Variants in AFDN observed in about 807,000 individuals in gnomAD.
AFDN encodes afadin, adherens junction formation factor.
AFDN carries 68 observed loss-of-function variants against 216.6 expected under a neutral mutation model. The observed-to-expected ratio is 0.31, with a 90% CI of 0.26 to 0.38. AFDN has a LOEUF of 0.38. AFDN is among the 10% of genes least tolerant of loss of function. The pLI, the probability that AFDN is intolerant of heterozygous loss-of-function variation, is 1.00. For missense variants in AFDN, 2,136 were observed against 2,342.0 expected, an observed-to-expected ratio of 0.91 and a Z score of 1.82; for synonymous variants, 868 against 853.7, an observed-to-expected ratio of 1.02 and a Z score of -0.29.
intron 4 of AFDN, among the ~76,000 whole-genome samples, 197 bp from the exon 5 acceptor site, chr6:167,875,138 A>G (rs760811348): frequency 2.6e-5 from 4 of 152,180 alleles, no homozygotes; most frequent in Non-Finnish European, 4.4e-5. Context: ...TTAGTTCAGT[A>G]TATTAGTTTG....
At chr6:167,937,850 C>G (rs1794199275) in intron 23 of AFDN, among the ~76,000 whole-genome samples, 1 of 152,218 alleles carries the variant, frequency 6.6e-6, no homozygotes, top group Admixed American at 6.5e-5. Flanking sequence ...TCTTAACTTA[C>G]TATTTATTCA....
intron 26 of AFDN, among the ~76,000 whole-genome samples, chr6:167,945,568 A>G (rs1436218533): frequency 6.6e-6 from 1 of 152,224 alleles, no homozygotes; most frequent in Non-Finnish European, 1.5e-5. Context: ...GCAGTCTGGC[A>G]CGACCACAAA....
At chr6:167,864,800 C>G in intron 2 of AFDN, 54 bp downstream of exon 2, 1 of 1,544,280 alleles carries the variant, frequency 6.5e-7, no homozygotes, top group South Asian at 1.1e-5. Context: ...TGTGAAGAGA[C>G]AGCTTGTCCA....
chr6:167,866,860 A>G (rs1204179859), intron 2 of AFDN, among the ~76,000 whole-genome samples: 2 of 152,208 alleles, frequency 1.3e-5, no homozygotes, highest in Non-Finnish European at 2.9e-5. Context: ...AATGCTCCTC[A>G]GTGCCCTGGG....
chr6:167,910,434 A>G (rs955958902), intron 13 of AFDN, among the ~76,000 whole-genome samples: 2 of 152,250 alleles, frequency 1.3e-5, no homozygotes, highest in Admixed American at 1.3e-4. Flanking sequence ...TAAATGTTCC[A>G]AATTATAGTT....
At chr6:167,868,789 G>T (rs1784476946) in intron 2 of AFDN, among the ~76,000 whole-genome samples, 1 of 145,652 alleles carries the variant, frequency 6.9e-6, no homozygotes, top group African/African-American at 2.5e-5. Flanking sequence ...TTGAGACAGG[G>T]TCTCACTTTG....
chr6:167,874,219 G>A (rs1583237597), intron 4 of AFDN, among the ~76,000 whole-genome samples: 4 of 152,168 alleles, frequency 2.6e-5, no homozygotes, highest in Admixed American at 6.5e-5. Context: ...ACTACATAGC[G>A]AGACCCTGTC....
chr6:167,889,912 A>G (rs565169351), intron 7 of AFDN, among the ~76,000 whole-genome samples: 25 of 152,376 alleles, frequency 1.6e-4, no homozygotes, highest in African/African-American at 6.0e-4. Flanking sequence ...CAAATTTGTT[A>G]TGATAGAGAA....
chr6:167,891,059 TA>T, intron 8 of AFDN, 30 bp downstream of exon 8: 1 of 1,465,940 alleles, frequency 6.8e-7, no homozygotes. Flanking sequence ...CAGCACACAT[TA>T]TTAATGTGCA....
At chr6:167,922,565 A>G (rs1791967485) in intron 21 of AFDN, among the ~76,000 whole-genome samples, 1 of 152,222 alleles carries the variant, frequency 6.6e-6, no homozygotes, top group African/African-American at 2.4e-5. Flanking sequence ...GCAAGGAAGT[A>G]ATGACAAGGC....
At chr6:167,947,824 C>CTT in intron 27 of AFDN, 29 bp from the exon 28 acceptor site, 2 of 1,406,144 alleles carry the variant, frequency 1.4e-6, no homozygotes, top group African/African-American at 1.5e-5. Context: ...TAATATTACA[C>CTT]TTTTTTTTTT....
At position 167,915,326 on chromosome 6, in the gene AFDN, C is replaced by T; in HGVS notation, c.2458C>T (p.His820Tyr). 6.2e-7 allele frequency: 1 copy of T among 1,614,232 alleles called. No individual in the cohort carries two copies. Among genetic ancestry groups the T allele is most frequent in the Non-Finnish European group, 8.5e-7 (1 of 1,180,046 alleles). The change falls in exon 19 of 34, where the codon CAT (histidine) becomes TAT (tyrosine). Residue 820 changes from histidine to tyrosine, a missense_variant. By Grantham distance (83) the His-to-Tyr change is moderately conservative. This residue lies in a region of AFDN where 817 missense variants were observed against 965.7 expected (regional missense o/e 0.85). Coordinates refer to ENST00000683244, the MANE Select transcript of AFDN (RefSeq NM_001386888.1). ...VTDPDSGLCS[H>Y]YWGAIIRQQL... ...CGACCCAGATTCGGGGCTGTGCTCC[C>T]ATTACTGGGGTGCGATTATCCGTCA...
chr6:167,940,158 T>A lies in AFDN; in HGVS notation c.3100-2971T>A, dbSNP rs549982209. On this transcript the variant is annotated intron_variant, in intron 23 of 33. Transcript: ENST00000683244. ...TCTGGGACTGGGCTGGAGACTTGCATTGAGGTGAGAGTGGAAACCATCCAC... is the reference window on the plus strand; with the variant it reads ...TCTGGGACTGGGCTGGAGACTTGCAATGAGGTGAGAGTGGAAACCATCCAC... Among the ~76,000 whole-genome samples the A allele has an allele frequency of 1.2e-3, 178 of 152,250 alleles. 3 individuals carry two copies. The highest frequency in any genetic ancestry group is 4.2e-3 in the African/African-American group (174 of 41,556).
chr6:167,939,198 G>C (rs894796794), intron 23 of AFDN, among the ~76,000 whole-genome samples: 1 of 152,072 alleles, frequency 6.6e-6, no homozygotes, highest in African/African-American at 2.4e-5. Context: ...CATTTTTCTT[G>C]TCAGAGATGA....
At chr6:167,855,242 A>G (rs951354461) in intron 1 of AFDN, among the ~76,000 whole-genome samples, 1 of 152,062 alleles carries the variant, frequency 6.6e-6, no homozygotes, top group African/African-American at 2.4e-5. Flanking sequence ...GTTGTGATAA[A>G]TTGTTTTTCG....
chr6:167,904,628 C>G (rs1789419617), intron 12 of AFDN, among the ~76,000 whole-genome samples: 1 of 152,126 alleles, frequency 6.6e-6, no homozygotes, highest in Non-Finnish European at 1.5e-5. Flanking sequence ...TTCCCTGATC[C>G]TTCCCCACCT....
intron 23 of AFDN, among the ~76,000 whole-genome samples, chr6:167,938,376 C>T (rs868554443): frequency 6.6e-6 from 1 of 152,114 alleles, no homozygotes; most frequent in Non-Finnish European, 1.5e-5. Context: ...CTGGCAGTTA[C>T]AAGAGTCTGG....
chr6:167,931,207 A>C (rs994270142), intron 23 of AFDN, among the ~76,000 whole-genome samples: 9 of 152,228 alleles, frequency 5.9e-5, no homozygotes. Context: ...GAAAGAGGGA[A>C]GTATGATGAA....
chr6:167,858,151 T>C (rs1783113883), intron 1 of AFDN, among the ~76,000 whole-genome samples: 1 of 152,006 alleles, frequency 6.6e-6, no homozygotes, highest in South Asian at 2.1e-4. Flanking sequence ...TGACTAAGAG[T>C]TTGGGTAGAT....
Sources: allele counts gnomAD v4.1 joint callset (sites outside exome capture counted in the v4.1 genomes callset), GRCh38; gene constraint gnomAD v4.1.1; regional missense constraint gnomAD v4.1.1; transcripts MANE v1.5; gene names NCBI Gene and HGNC (gene_info 2026-07-23, HGNC 2026-07-21).